The following RNLS variants were observed in gnomAD, a reference collection of about 807,000 sequenced individuals.
RNLS encodes the protein renalase.
A neutral mutation model predicts 39.8 loss-of-function variants in RNLS; 39 were observed. The ratio of observed to expected loss-of-function variants is 0.98; its 90% confidence interval spans 0.76 to 1.28. The LOEUF is 1.28. RNLS is among the 50% of genes most tolerant of loss of function. The pLI, the probability that RNLS is intolerant of heterozygous loss-of-function variation, is 0.00. For synonymous variants in RNLS, 147 were observed against 150.7 expected, an observed-to-expected ratio of 0.98 and a Z score of 0.18; for missense variants, 410 against 413.3, an observed-to-expected ratio of 0.99 and a Z score of 0.07.
At chr10:88,298,888 G>A (rs1472245119) in intron 6 of RNLS, among the ~76,000 whole-genome samples, 3 of 152,134 alleles carry the variant, frequency 2.0e-5, no homozygotes, top group East Asian at 3.9e-4. Flanking sequence ...AGCCTGAAAC[G>A]AGTCTGTAGA....
At chr10:88,334,722 T>TC (rs1023557814) in intron 5 of RNLS, among the ~76,000 whole-genome samples, 28 of 152,298 alleles carry the variant, frequency 1.8e-4, no homozygotes, top group African/African-American at 5.5e-4. Context: ...TTCTTTTTTT[T>TC]CCCTTGAAAT....
At chr10:88,251,367 G>A in the RNLS span, among the ~76,000 whole-genome samples, 20 of 152,234 alleles carry the variant, frequency 1.3e-4, no homozygotes, top group Non-Finnish European at 2.5e-4. Flanking sequence ...TGAGCAGCAT[G>A]TGACTTTGAA....
chr10:88,573,707 T>C (rs951003285), intron 3 of RNLS, among the ~76,000 whole-genome samples: 2 of 152,220 alleles, frequency 1.3e-5, no homozygotes, highest in Admixed American at 1.3e-4. Flanking sequence ...CACAAGGATA[T>C]TTTAATAATT....
At chr10:88,173,070 G>A in the RNLS span, among the ~76,000 whole-genome samples, 4 of 151,752 alleles carry the variant, frequency 2.6e-5, no homozygotes, top group South Asian at 8.3e-4. Context: ...ATGTTAGCCA[G>A]GGTGGTCTCG....
chr10:88,233,067 ACTGGAGTTCCAAATCAGGT>A, the RNLS span, among the ~76,000 whole-genome samples: 1 of 152,194 alleles, frequency 6.6e-6, no homozygotes, highest in Non-Finnish European at 1.5e-5. Context: ...AAGTGGAAGA[ACTGGAGTTCCAAATCAGGT>A]CTGCCTGCGT....
At chr10:88,510,301 C>A (rs1413665705) in intron 4 of RNLS, among the ~76,000 whole-genome samples, 1 of 152,010 alleles carries the variant, frequency 6.6e-6, no homozygotes, top group Admixed American at 6.6e-5. Flanking sequence ...GCAGATAATT[C>A]TATCCATCCT....
chr10:88,301,111 A>C (rs780560640), intron 6 of RNLS, among the ~76,000 whole-genome samples: 14 of 152,220 alleles, frequency 9.2e-5, no homozygotes, highest in Non-Finnish European at 1.8e-4. Context: ...TACTGACTAC[A>C]TGGCAGAGTA....
chr10:88,438,971 C>T (rs879494367), intron 4 of RNLS, among the ~76,000 whole-genome samples: 6 of 134,938 alleles, frequency 4.4e-5, no homozygotes, highest in East Asian at 5.2e-4. Context: ...TCACCGGGGG[C>T]GGGTGGGAGT....
chr10:88,357,827 C>CA (rs1357147330), intron 5 of RNLS, among the ~76,000 whole-genome samples: 1 of 152,150 alleles, frequency 6.6e-6, no homozygotes, highest in Non-Finnish European at 1.5e-5. Context: ...CCTATGAGCA[C>CA]ACTGACTCTG....
At chr10:88,393,135 A>G (rs1274437283) in intron 4 of RNLS, among the ~76,000 whole-genome samples, 3 of 152,222 alleles carry the variant, frequency 2.0e-5, no homozygotes, top group Non-Finnish European at 4.4e-5. Context: ...CTGGCACAAG[A>G]CAGGGATGCC....
At chr10:88,458,211 T>A (rs1842746339) in intron 4 of RNLS, among the ~76,000 whole-genome samples, 1 of 152,114 alleles carries the variant, frequency 6.6e-6, no homozygotes, top group Non-Finnish European at 1.5e-5. Context: ...CATTGGTCAT[T>A]CCCCACAATC....
At chr10:88,290,450 C>T (rs945565005) in intron 6 of RNLS, among the ~76,000 whole-genome samples, 2 of 152,112 alleles carry the variant, frequency 1.3e-5, no homozygotes, top group Non-Finnish European at 2.9e-5. Flanking sequence ...CAAGTTTTTC[C>T]TGCTACATTT....
chr10:88,535,550 T>C (rs992003047), intron 4 of RNLS, among the ~76,000 whole-genome samples: 31 of 151,670 alleles, frequency 2.0e-4, no homozygotes, highest in African/African-American at 7.0e-4. Context: ...TTTACCTACG[T>C]AACAAACCTG....
chr10:88,336,302 A>G (rs1847489354), intron 5 of RNLS, among the ~76,000 whole-genome samples: 1 of 152,214 alleles, frequency 6.6e-6, no homozygotes, highest in Admixed American at 6.5e-5. Flanking sequence ...GGATGTATGC[A>G]TTTGCCATTT....
chr10:88,255,545 G>T, the RNLS span, among the ~76,000 whole-genome samples: 1 of 152,182 alleles, frequency 6.6e-6, no homozygotes, highest in African/African-American at 2.4e-5. Context: ...TGTGGAAAAG[G>T]CTTAATGAAC....
intron 4 of RNLS, among the ~76,000 whole-genome samples, chr10:88,547,741 A>G (rs961645074): frequency 6.6e-6 from 1 of 152,208 alleles, no homozygotes; most frequent in African/African-American, 2.4e-5. Flanking sequence ...ATAATGTATT[A>G]TGTATTTCAA....
intron 3 of RNLS, among the ~76,000 whole-genome samples, chr10:88,575,906 C>T (rs1036389430): frequency 1.3e-5 from 2 of 152,154 alleles, no homozygotes; most frequent in Non-Finnish European, 2.9e-5. Context: ...CACTCACTAC[C>T]GTCCAGTCAT....
chr10:88,503,840 T>C (rs1845636818), intron 4 of RNLS, among the ~76,000 whole-genome samples: 1 of 152,134 alleles, frequency 6.6e-6, no homozygotes. Flanking sequence ...GCAGACAGGA[T>C]TGGATGTCAC....
chr10:88,396,958 C>A (rs1852600515), intron 4 of RNLS, among the ~76,000 whole-genome samples: 1 of 151,786 alleles, frequency 6.6e-6, no homozygotes, highest in Non-Finnish European at 1.5e-5. Flanking sequence ...GTGCACCAAA[C>A]AACAGGGTCC....
Sources: gnomAD v4.1 joint callset for allele counts (sites outside exome capture counted in the v4.1 genomes callset) on GRCh38, gnomAD v4.1.1 for gene constraint, MANE v1.5 for transcripts, NCBI Gene and HGNC (gene_info 2026-07-23, HGNC 2026-07-21) for gene names.